Variants in RUNDC3A observed in about 807,000 individuals in gnomAD.
The protein encoded by RUNDC3A is RUN domain-containing protein 3A.
Under a neutral mutation model 53.9 loss-of-function variants are expected in RUNDC3A, and 28 were observed. The observed-to-expected ratio is 0.52, with a 90% CI of 0.38 to 0.71. RUNDC3A has a LOEUF of 0.71. RUNDC3A is among the 30% of genes least tolerant of loss of function. RUNDC3A has a pLI of 0.00. For synonymous variants in RUNDC3A, 232 were observed against 249.4 expected (o/e 0.93, Z 0.66); for missense variants, 491 against 597.3 (o/e 0.82, Z 1.85).
In RUNDC3A at chr17:44,315,225, G is replaced by A. The variant is rs2047834854; in HGVS notation, c.700G>A (p.Glu234Lys). 2 of 1,551,732 alleles carry A rather than the reference G, an allele frequency of 1.3e-6. No individual in the cohort carries two copies. The highest frequency in any genetic ancestry group is 1.4e-5 in the African/African-American group (1 of 73,106). The change falls in exon 7 of 11, where the codon GAG becomes AAG. Residue 234 changes from glutamate to lysine, a missense_variant. Around this residue, in one of 2 missense-constraint regions of RUNDC3A, gnomAD observed 273 missense variants for 389.0 expected, o/e 0.70. Coordinates refer to ENST00000426726, the MANE Select transcript of RUNDC3A (RefSeq NM_001144825.2). This position sits in a 1 kb window ranked among gnomAD's most constrained non-coding sequence, Gnocchi z 6.1. ...CAGCACGAGCGAGGACAACTCGCCCGAGCACCCGTACCTCCCGCTCGTCAC... is the reference window on the plus strand; with the variant it reads ...CAGCACGAGCGAGGACAACTCGCCCAAGCACCCGTACCTCCCGCTCGTCAC... ...ESSTSEDNSP[E>K]HPYLPLVTDE...
At chr17:44,313,027 T>A in intron 2 of RUNDC3A, 77 bp from the exon 3 acceptor site, 1 of 1,496,758 alleles carries the variant, frequency 6.7e-7, no homozygotes, top group Non-Finnish European at 9.2e-7. Flanking sequence ...CTTATGCTTA[T>A]GCATGTGAGT....
chr17:44,313,745 G>A lies in RUNDC3A; in HGVS notation c.458+242G>A, dbSNP rs570234164. ...TGCCCAGGCTGGAGTGCGATGGCGC[G>A]ATCTCGGCTCACTGCAACCTCCGCC... On this transcript the variant is annotated intron_variant, in intron 4 of 10. Transcript: ENST00000426726. 148 of 1,204,496 alleles carry A rather than the reference G, an allele frequency of 1.2e-4. No individual in the cohort carries two copies. The Middle Eastern group carries it at 2.9e-3, about 24-fold the overall frequency. The allele number at this position is 1,204,496 out of a possible 1,614,324, so 74.6% of individuals were successfully genotyped here.
At chr17:44,314,686 G>GGC in intron 4 of RUNDC3A, 49 bp from the exon 5 acceptor site, 2 of 1,187,916 alleles carry the variant, frequency 1.7e-6, no homozygotes, top group South Asian at 1.5e-5. Flanking sequence ...GGGGGGGGGG[G>GGC]GGCGCTCCAG....
chr17:44,317,733 T>A, intron 10 of RUNDC3A: 1 of 615,640 alleles, frequency 1.6e-6, no homozygotes. Flanking sequence ...TGTCTGTGTG[T>A]CTGTCTCCCC....
chr17:44,311,601 A>G (rs2047748302), intron 1 of RUNDC3A: 1 of 154,190 alleles, frequency 6.5e-6, no homozygotes, highest in African/African-American at 2.4e-5. Context: ...AGCAGCTCCC[A>G]TTTCCCTGGA....
intron 5 of RUNDC3A, 51 bp downstream of exon 5, chr17:44,314,875 G>A: frequency 6.2e-7 from 1 of 1,613,884 alleles, no homozygotes; most frequent in Non-Finnish European, 8.5e-7. Context: ...CCCCATAAAT[G>A]TCCTACCCCA....
At chr17:44,310,671 C>G (rs1598322571) in intron 1 of RUNDC3A, 2 of 985,142 alleles carry the variant, frequency 2.0e-6, no homozygotes, top group East Asian at 1.1e-4. Flanking sequence ...CTCCCTGTCT[C>G]CATGGTAACC....
Position 44,308,851 on chromosome 17 carries a change from C to A in RUNDC3A, c.19C>A (p.Gln7Lys). The A allele has an allele frequency of 6.2e-7, 1 of 1,610,408 alleles. No individual in the cohort carries two copies. The highest frequency in any genetic ancestry group is 8.5e-7 in the Non-Finnish European group (1 of 1,178,184). MEASFVQTTMALGLSSK... is the reference protein window; with the variant it reads MEASFVKTTMALGLSSK... ...CATCTGGATGGAAGCGAGCTTTGTCCAGACCACCATGGCTCTGGGGCTGTC... is the reference window on the plus strand; with the variant it reads ...CATCTGGATGGAAGCGAGCTTTGTCAAGACCACCATGGCTCTGGGGCTGTC... Residue 7 changes from glutamine (Q) to lysine (K), a missense_variant, in exon 1 of 11, where the codon CAG becomes AAG. Physicochemically the swap from Gln to Lys is moderately conservative, Grantham distance 53. This residue lies in a region of RUNDC3A where 273 missense variants were observed against 389.0 expected (regional missense o/e 0.70). Coordinates refer to ENST00000426726, the MANE Select transcript of RUNDC3A (RefSeq NM_001144825.2).
At chr17:44,314,455 TG>T (rs1239384241) in intron 4 of RUNDC3A, 3 of 1,349,810 alleles carry the variant, frequency 2.2e-6, no homozygotes, top group Non-Finnish European at 2.9e-6. Context: ...GATTAAGACT[TG>T]CTTCCTGATA....
intron 10 of RUNDC3A, chr17:44,316,985 G>C (rs1311688181): frequency 2.1e-6 from 1 of 466,408 alleles, no homozygotes; most frequent in African/African-American, 2.0e-5. Context: ...ACCACGCGCA[G>C]CTAATTTGTG....
At position 44,315,616 on chromosome 17, in the gene RUNDC3A, G is replaced by T. The variant is rs1462439526; in HGVS notation, c.953+7G>T. ...TGGAGCTGCAGGAGCAGCTGTGAGCGCACGGCCTGCCCTAACCCCTGACCC... is the reference window on the plus strand; with the variant it reads ...TGGAGCTGCAGGAGCAGCTGTGAGCTCACGGCCTGCCCTAACCCCTGACCC... On this transcript the variant is annotated splice_region_variant and intron_variant, in intron 8 of 10. Transcript: ENST00000426726. The surrounding 1 kb of genome is among the most constrained non-coding windows in gnomAD (Gnocchi z 6.1). 2 of 1,466,884 alleles carry T rather than the reference G, an allele frequency of 1.4e-6. No homozygotes were observed. The highest frequency in any genetic ancestry group is 1.8e-6 in the Non-Finnish European group (2 of 1,104,360). The allele number at this position is 1,466,884 out of a possible 1,614,324, so 90.9% of individuals were successfully genotyped here.
At chr17:44,310,924 A>T (rs2047737162) in intron 1 of RUNDC3A, 3 of 985,448 alleles carry the variant, frequency 3.0e-6, no homozygotes. Context: ...CTTCCCAGCC[A>T]CGACCCCGCT....
chr17:44,315,467 C>T lies in RUNDC3A; in HGVS notation c.811C>T (p.Leu271=). ...VYAQKGYLEE[L]VRLRESQLKD... Reference sequence around the variant, plus strand: ...CGCCCCGCAGGGCTACCTGGAGGAGCTGGTGCGTCTGCGCGAGTCGCAGCT... The same window carrying T: ...CGCCCCGCAGGGCTACCTGGAGGAGTTGGTGCGTCTGCGCGAGTCGCAGCT... Residue 271 remains leucine, a synonymous_variant, in exon 8 of 11, where the codon CTG becomes TTG. Transcript: ENST00000426726. The surrounding 1 kb of genome is among the most constrained non-coding windows in gnomAD (Gnocchi z 6.1). 6.7e-7 allele frequency: 1 copy of T among 1,500,492 alleles called. No homozygotes were observed. The highest frequency in any genetic ancestry group is 8.9e-7 in the Non-Finnish European group (1 of 1,125,830). 92.9% of individuals were successfully genotyped at this position (1,500,492 alleles called of 1,614,324 possible).
In RUNDC3A at chr17:44,309,062, C is replaced by T. The variant is rs984354763; in HGVS notation, c.107+123C>T. The T allele has an allele frequency of 6.0e-6, 4 of 661,496 alleles. No individual in the cohort carries two copies. In the East Asian group the frequency reaches 9.0e-5, roughly 15 times the overall value. The allele number at this position is 661,496 out of a possible 1,614,324, so 41.0% of individuals were successfully genotyped here. A position where few individuals can be genotyped will look rare whatever the true frequency, so the allele number is the denominator to read the frequency against. The stretch of plus-strand genomic sequence containing the variant: ...GGGGAGAAAAGGGTCGAGAATAATG[C>T]GTCCACTGTCCCTCCCAGGCCCAGA... On this transcript the variant is annotated intron_variant, in intron 1 of 10. Transcript: ENST00000426726.
rs1248246490 is a variant in RUNDC3A at position 44,315,063 on chromosome 17, G to A, written c.629+54G>A. The A allele has an allele frequency of 3.1e-6, 5 of 1,610,152 alleles. No individual in the cohort carries two copies. The East Asian group carries it at 6.7e-5, about 22-fold the overall frequency. On this transcript the variant is annotated intron_variant, in intron 6 of 10. Coordinates refer to ENST00000426726, the MANE Select transcript of RUNDC3A (RefSeq NM_001144825.2). The surrounding 1 kb of genome is among the most constrained non-coding windows in gnomAD (Gnocchi z 6.1). ...GGGGGACGGGGCCTCGGGACATCCT[G>A]GGGACGTCCTGGTCCCACCGCCCTC...
Position 44,308,893 on chromosome 17 carries a change from T to C in RUNDC3A, c.61T>C (p.Ser21Pro). The C allele has an allele frequency of 6.2e-7, 1 of 1,611,472 alleles. No homozygotes were observed. The highest frequency in any genetic ancestry group is 8.5e-7 in the Non-Finnish European group (1 of 1,178,828). The change falls in exon 1 of 11, where the codon TCT becomes CCT. Residue 21 changes from serine (S) to proline (P), a missense_variant. Coordinates refer to ENST00000426726, the MANE Select transcript of RUNDC3A (RefSeq NM_001144825.2). Reference sequence around the variant, plus strand: ...GGGGCTGTCCTCCAAGAAAGCGTCCTCTCGCAACGTGGCTGTGGAGCGTAA... The same window carrying C: ...GGGGCTGTCCTCCAAGAAAGCGTCCCCTCGCAACGTGGCTGTGGAGCGTAA... ...ALGLSSKKAS[S>P]RNVAVERKNL...
At chr17:44,313,694 T>C (rs1475388472) in intron 4 of RUNDC3A, 191 bp downstream of exon 4, 5 of 1,361,504 alleles carry the variant, frequency 3.7e-6, no homozygotes. Flanking sequence ...TTTTTTTTTT[T>C]TTTTGAGAAG....
chr17:44,315,681 A>G lies in RUNDC3A; in HGVS notation c.953+72A>G, dbSNP rs569373348. On this transcript the variant is annotated intron_variant, in intron 8 of 10. Transcript: ENST00000426726. The surrounding 1 kb of genome is among the most constrained non-coding windows in gnomAD (Gnocchi z 6.1). ...ACATCACCGGGTGAACCCCATCTTC[A>G]CTTCCATCGACTCTAACATCACCCG... The G allele has an allele frequency of 1.6e-6, 2 of 1,267,552 alleles. No individual in the cohort carries two copies. The highest frequency in any genetic ancestry group is 6.4e-5 in the East Asian group (2 of 31,292). 78.5% of individuals were successfully genotyped at this position (1,267,552 alleles called of 1,614,324 possible).
At position 44,314,978 on chromosome 17, in the gene RUNDC3A, GA is replaced by G; in HGVS notation, c.599del (p.Asp200ValfsTer6). On this transcript the variant is annotated frameshift_variant, in exon 6 of 11. Transcript: ENST00000426726. LOFTEE classifies it high-confidence loss of function. ...VLDGKTPVVI[D>X]YTPYLKFTQS... ...GGACGGGAAGACCCCCGTGGTCATC[GA>G]TTACACGCCCTACCTAAAGTTCACG... The G allele has an allele frequency of 6.2e-7, 1 of 1,613,972 alleles. No homozygotes were observed. Among genetic ancestry groups the G allele is most frequent in the Non-Finnish European group, 8.5e-7 (1 of 1,179,890 alleles).
Sources: allele counts gnomAD v4.1 joint callset, GRCh38; gene constraint gnomAD v4.1.1; regional missense constraint gnomAD v4.1.1; non-coding constraint Gnocchi (gnomAD v3.1); transcripts MANE v1.5; gene names NCBI Gene and HGNC (gene_info 2026-07-23, HGNC 2026-07-21).